ARSB: variants seen among roughly 807,000 people sequenced by gnomAD.
The protein encoded by ARSB is N-acetylgalactosamine-4-sulfatase.
ARSB carries 41 observed loss-of-function variants against 50.9 expected under a neutral mutation model. The observed-to-expected ratio is 0.81, with a 90% CI of 0.63 to 1.04. The LOEUF (loss-of-function observed/expected upper bound fraction) is 1.04. ARSB is among the 50% of genes least tolerant of loss of function. The pLI, the probability that ARSB is intolerant of heterozygous loss-of-function variation, is 0.00. For synonymous variants in ARSB, 269 were observed against 284.8 expected (o/e 0.94, Z 0.56); for missense variants, 672 against 693.3 (o/e 0.97, Z 0.35).
At chr5:78,939,519 G>A (rs963361747) in intron 4 of ARSB, among the ~76,000 whole-genome samples, 2 of 152,058 alleles carry the variant, frequency 1.3e-5, no homozygotes, top group Non-Finnish European at 2.9e-5. Flanking sequence ...ACCTATGAGT[G>A]AGAACATGTG....
intron 4 of ARSB, among the ~76,000 whole-genome samples, chr5:78,929,070 C>T (rs1008547102): frequency 1.3e-5 from 2 of 152,186 alleles, no homozygotes; most frequent in Non-Finnish European, 2.9e-5. Context: ...GTCCCGCCTC[C>T]CCTAAGAAGC....
At chr5:78,887,647 C>T (rs923764756) in intron 4 of ARSB, among the ~76,000 whole-genome samples, 3 of 152,094 alleles carry the variant, frequency 2.0e-5, no homozygotes, top group African/African-American at 7.2e-5. Context: ...TACAACAACC[C>T]AAATAGTTTA....
At chr5:78,901,047 GAAAAA>G (rs71001135) in intron 4 of ARSB, among the ~76,000 whole-genome samples, 26 of 115,212 alleles carry the variant, frequency 2.3e-4, no homozygotes, top group African/African-American at 8.7e-4. Context: ...TCCGTCTCAG[GAAAAA>G]AAAAAAAAAA....
chr5:78,829,517 T>A (rs957585058), intron 6 of ARSB, among the ~76,000 whole-genome samples: 1 of 152,206 alleles, frequency 6.6e-6, no homozygotes, highest in African/African-American at 2.4e-5. Context: ...CCTGGGCATA[T>A]GTTTTCCTCT....
At chr5:78,832,221 A>G (rs776497695) in intron 6 of ARSB, among the ~76,000 whole-genome samples, 2 of 152,168 alleles carry the variant, frequency 1.3e-5, no homozygotes, top group African/African-American at 2.4e-5. Context: ...ACTGAACTCT[A>G]CAGAAGGCGC....
chr5:78,980,734 ATG>A (rs1554089416), intron 1 of ARSB, among the ~76,000 whole-genome samples: 5 of 150,938 alleles, frequency 3.3e-5, no homozygotes, highest in Admixed American at 1.3e-4. Context: ...AAGTGTGTGT[ATG>A]TGTGTGTGTG....
rs376382469 is a variant in ARSB at position 78,830,705 on chromosome 5, G to A, written c.1213+8651C>T. Among the ~76,000 whole-genome samples the A allele has an allele frequency of 6.4e-4, 98 of 152,308 alleles. 2 individuals are homozygous for A. The South Asian group carries it at 0.02, about 31-fold the overall frequency. The stretch of plus-strand genomic sequence containing the variant: ...AGGCCACATTTCCAAACAGACTTTA[G>A]TGCTCCCCAAAGCGGAGGGGGCAGA... On this transcript the variant is annotated intron_variant, in intron 6 of 7. Coordinates refer to ENST00000264914, the MANE Select transcript of ARSB (RefSeq NM_000046.5).
intron 6 of ARSB, among the ~76,000 whole-genome samples, chr5:78,838,001 G>A (rs895822171): frequency 1.3e-5 from 2 of 152,134 alleles, no homozygotes; most frequent in Non-Finnish European, 2.9e-5. Context: ...GGTCTTTATT[G>A]CATCTCAACT....
intron 5 of ARSB, among the ~76,000 whole-genome samples, chr5:78,868,700 GC>G (rs1194043788): frequency 6.9e-6 from 1 of 145,930 alleles, no homozygotes; most frequent in Non-Finnish European, 1.5e-5. Flanking sequence ...ACCAGCCGCT[GC>G]AAAATCATGC....
chr5:78,868,758 C>T (rs375108908), intron 5 of ARSB, among the ~76,000 whole-genome samples: 28,828 of 128,912 alleles, frequency 0.22, 3,430 homozygotes, highest in Middle Eastern at 0.35. Context: ...CATCAACTAA[C>T]GAGCAAAATC....
At chr5:78,983,031 C>A (rs1752979954) in intron 1 of ARSB, among the ~76,000 whole-genome samples, 1 of 152,034 alleles carries the variant, frequency 6.6e-6, no homozygotes, top group South Asian at 2.1e-4. Flanking sequence ...GGGACAAAAG[C>A]AACTGATTAC....
rs549397152 is a variant in ARSB, at chr5:78,867,774, C to T, written c.1142+17810G>A. Among the ~76,000 whole-genome samples, 699 of 151,670 alleles carry T rather than the reference C, an allele frequency of 4.6e-3. 1 individual carries two copies. Among genetic ancestry groups the T allele is most frequent in the South Asian group, 0.015 (70 of 4,736 alleles). On this transcript the variant is annotated intron_variant, in intron 5 of 7. Coordinates refer to ENST00000264914, the MANE Select transcript of ARSB (RefSeq NM_000046.5). ...GAGCGCCTCTCCTCCTCCAAAGGAACGCAGTTCCTCACCAGCAATGGAACA... is the reference window on the plus strand; with the variant it reads ...GAGCGCCTCTCCTCCTCCAAAGGAATGCAGTTCCTCACCAGCAATGGAACA...
intron 6 of ARSB, among the ~76,000 whole-genome samples, chr5:78,790,480 A>G (rs1000909922): frequency 2.6e-5 from 4 of 152,238 alleles, no homozygotes; most frequent in African/African-American, 9.6e-5. Flanking sequence ...TATCTATAAA[A>G]TTAACATAAC....
chr5:78,919,726 C>T (rs1749713008), intron 4 of ARSB, among the ~76,000 whole-genome samples: 1 of 152,156 alleles, frequency 6.6e-6, no homozygotes, highest in Non-Finnish European at 1.5e-5. Flanking sequence ...CTCCTGACCT[C>T]ATGATCTGCC....
chr5:78,817,746 T>C (rs1409309596), intron 6 of ARSB, among the ~76,000 whole-genome samples: 2 of 152,002 alleles, frequency 1.3e-5, no homozygotes, highest in Admixed American at 6.5e-5. Context: ...GAGGCAAGGG[T>C]TGCAGCGAGC....
intron 5 of ARSB, among the ~76,000 whole-genome samples, chr5:78,862,424 C>T (rs528829100): frequency 2.3e-3 from 356 of 152,182 alleles, no homozygotes; most frequent in Non-Finnish European, 3.7e-3. Flanking sequence ...GAGATATAGA[C>T]CAATGGAACA....
intron 6 of ARSB, among the ~76,000 whole-genome samples, chr5:78,784,436 A>G (rs114210039): frequency 1.5e-3 from 222 of 152,344 alleles, no homozygotes; most frequent in African/African-American, 5.2e-3. Context: ...CCATCAATAG[A>G]TGAATGGATA....
intron 1 of ARSB, among the ~76,000 whole-genome samples, chr5:78,970,825 G>C (rs1300008649): frequency 2.0e-5 from 3 of 152,140 alleles, no homozygotes; most frequent in Non-Finnish European, 4.4e-5. Flanking sequence ...GCAAGGCATG[G>C]TGGCCTGTGC....
chr5:78,879,374 C>G (rs3098701), intron 5 of ARSB, among the ~76,000 whole-genome samples: 133,193 of 152,196 alleles, frequency 0.88, 60,400 homozygotes, highest in East Asian at 1. Flanking sequence ...CTGTGGCTTG[C>G]AACAAAGAAA....
Sources: allele counts gnomAD v4.1 joint callset (sites outside exome capture counted in the v4.1 genomes callset), GRCh38; gene constraint gnomAD v4.1.1; transcripts MANE v1.5; gene names NCBI Gene and HGNC (gene_info 2026-07-23, HGNC 2026-07-21).